LITAF: variants seen among roughly 807,000 people sequenced by gnomAD.
The protein encoded by LITAF is lipopolysaccharide-induced tumor necrosis factor-alpha factor.
In LITAF, 9 loss-of-function variants were observed where a neutral mutation model predicts 14.5. That is an observed-to-expected ratio of 0.62 (90% CI 0.37 to 1.08). The LOEUF (loss-of-function observed/expected upper bound fraction) is 1.08. Among genes scored for constraint, LITAF ranks in the 50% least tolerant of loss-of-function variants. LITAF has a pLI of 0.01. For missense variants in LITAF, 206 were observed against 213.4 expected (o/e 0.97, Z 0.22); for synonymous variants, 98 against 88.2 (o/e 1.11, Z -0.62).
intron 1 of LITAF, among the ~76,000 whole-genome samples, chr16:11,593,967 G>A (rs3919553): frequency 0.15 from 22,183 of 151,890 alleles, 1,966 homozygotes; most frequent in Non-Finnish European, 0.18. Flanking sequence ...GCTTGAGGTC[G>A]GGAGTTTGAG....
At chr16:11,611,661 TTTTTC>T (rs901256980) in intron 3 of LITAF, among the ~76,000 whole-genome samples, 5 of 147,150 alleles carry the variant, frequency 3.4e-5, no homozygotes, top group South Asian at 2.1e-4. Context: ...TTTCTTTTTC[TTTTTC>T]TTTTTTTTTT....
In LITAF at chr16:11,553,780, C is replaced by T; in HGVS notation, c.221-91G>A. 2 of 1,395,788 alleles carry T rather than the reference C, an allele frequency of 1.4e-6. No individual in the cohort carries two copies. Among genetic ancestry groups the T allele is most frequent in the Non-Finnish European group, 2.0e-6 (2 of 994,140 alleles). 86.5% of individuals were successfully genotyped at this position (1,395,788 alleles called of 1,614,324 possible). On this transcript the variant is annotated intron_variant, in intron 2 of 3. Transcript: ENST00000622633. This position sits in a 1 kb window ranked among gnomAD's most constrained non-coding sequence, Gnocchi z 7.7. ...GACAAAGAGAGGAACGCAGGGATGC[C>T]AGCAAATATTATATTTGTACATTTG...
upstream of LITAF, among the ~76,000 whole-genome samples, chr16:11,638,054 C>A (rs12448363): frequency 2.9e-3 from 138 of 48,100 alleles, 37 homozygotes; most frequent in African/African-American, 0.019. Flanking sequence ...ATATATATAT[C>A]TATATATATA....
intron 1 of LITAF, among the ~76,000 whole-genome samples, chr16:11,570,661 G>A (rs983548234): frequency 5.9e-5 from 9 of 152,148 alleles, no homozygotes; most frequent in African/African-American, 2.2e-4. Context: ...TAACCAGGTA[G>A]GCCCGGTGTA....
intron 1 of LITAF, among the ~76,000 whole-genome samples, chr16:11,557,344 CTCTT>C (rs1333249472): frequency 6.6e-6 from 1 of 152,042 alleles, no homozygotes; most frequent in Non-Finnish European, 1.5e-5. Flanking sequence ...GGGTCCTGTT[CTCTT>C]TCTTCACCTG....
chr16:11,604,663 A>G (rs1311184983), intron 3 of LITAF, among the ~76,000 whole-genome samples: 1 of 134,860 alleles, frequency 7.4e-6, no homozygotes, highest in African/African-American at 2.5e-5. Flanking sequence ...AAAAAAAAAA[A>G]AAAGAATCTA....
chr16:11,551,695 G>C (rs1246724540), intron 3 of LITAF: 1 of 651,852 alleles, frequency 1.5e-6, no homozygotes, highest in African/African-American at 1.9e-5. Flanking sequence ...AGCTAGGTAT[G>C]GTGGCACACA....
intron 1 of LITAF, among the ~76,000 whole-genome samples, chr16:11,574,009 GGTTT>G (rs1567247186): frequency 3.0e-5 from 2 of 67,068 alleles, no homozygotes; most frequent in African/African-American, 5.2e-5. Flanking sequence ...GCGTTTTTTT[GGTTT>G]TTTTTTTGTT....
upstream of LITAF, among the ~76,000 whole-genome samples, chr16:11,638,438 C>T (rs183779553): frequency 5.1e-4 from 78 of 151,990 alleles, no homozygotes; most frequent in African/African-American, 1.8e-3. Flanking sequence ...TATGGTGGCT[C>T]ACGCCTATAA....
intron 3 of LITAF, among the ~76,000 whole-genome samples, chr16:11,621,521 C>T: frequency 6.6e-6 from 1 of 152,200 alleles, no homozygotes; most frequent in African/African-American, 2.4e-5. Context: ...TGACTTTCTA[C>T]TTGAAGTTTT....
At chr16:11,598,723 G>A (rs1423917274), upstream of LITAF, among the ~76,000 whole-genome samples, 1 of 152,140 alleles carries the variant, frequency 6.6e-6, no homozygotes, top group South Asian at 2.1e-4. Context: ...CTCCCTTCCA[G>A]AACCTATGTT....
At chr16:11,620,636 C>G (rs905972446) in intron 3 of LITAF, among the ~76,000 whole-genome samples, 1 of 152,232 alleles carries the variant, frequency 6.6e-6, no homozygotes, top group Non-Finnish European at 1.5e-5. Context: ...GGCCAGCCCA[C>G]TTTCCCACTA....
rs987055942 is a variant in LITAF, at chr16:11,632,821, C to T, written c.85+712G>A. Among the ~76,000 whole-genome samples the T allele has an allele frequency of 1.2e-4, 18 of 151,690 alleles. No homozygotes were observed. The highest frequency in any genetic ancestry group is 3.7e-4 in the African/African-American group (15 of 40,964). On this transcript the variant is annotated intron_variant, in intron 3 of 3. Transcript: ENST00000574848. The surrounding 1 kb of genome is among the most constrained non-coding windows in gnomAD (Gnocchi z 4.8). ...CAGAGTTTTCCGTGTGCCGCCTCCTCGTCCTTCTTCTTCTGCCGAATGCCT... is the reference window on the plus strand; with the variant it reads ...CAGAGTTTTCCGTGTGCCGCCTCCTTGTCCTTCTTCTTCTGCCGAATGCCT...
At chr16:11,618,999 A>C (rs1424971011) in intron 3 of LITAF, among the ~76,000 whole-genome samples, 8 of 150,000 alleles carry the variant, frequency 5.3e-5, no homozygotes, top group Non-Finnish European at 7.4e-5. Context: ...AAAACAAAAC[A>C]AACAAACAAA....
upstream of LITAF, among the ~76,000 whole-genome samples, chr16:11,599,721 C>T (rs1226149707): frequency 6.6e-6 from 1 of 152,144 alleles, no homozygotes; most frequent in African/African-American, 2.4e-5. Flanking sequence ...CTGCCCCTCA[C>T]CTCCAAAACA....
In LITAF at chr16:11,547,779, G is replaced by A. The variant is rs1042109232; in HGVS notation, c.*1858C>T. The stretch of plus-strand genomic sequence containing the variant: ...GCTATGGCTTGCCGCCATCAATGAC[G>A]CCTATTGGGTTCCAATAGCCTCATG... On this transcript the variant is annotated 3_prime_UTR_variant, in exon 4 of 4. Transcript: ENST00000622633. 25 of 453,866 alleles carry A rather than the reference G, an allele frequency of 5.5e-5. No homozygotes were observed. The highest frequency in any genetic ancestry group is 7.1e-5 in the Non-Finnish European group (16 of 226,780). 28.1% of individuals were successfully genotyped at this position (453,866 alleles called of 1,614,324 possible). A position where few individuals can be genotyped will look rare whatever the true frequency, so the allele number is the denominator to read the frequency against.
chr16:11,635,228 G>A (rs1331416032), intron 2 of LITAF, among the ~76,000 whole-genome samples: 1 of 152,188 alleles, frequency 6.6e-6, no homozygotes, highest in East Asian at 1.9e-4. Flanking sequence ...ATACACAAAT[G>A]CACATTCAGA....
At position 11,632,220 on chromosome 16, in the gene LITAF, G is replaced by A. The variant is rs375151057; in HGVS notation, c.85+1313C>T. ...CACCTTCACAAGTGCTGGGAGTTAC[G>A]TCGTGGACGTGTCTTTCGGGGAGGG... On this transcript the variant is annotated intron_variant, in intron 3 of 3. Coordinates refer to the LITAF transcript ENST00000574848. This position sits in a 1 kb window ranked among gnomAD's most constrained non-coding sequence, Gnocchi z 4.8. 7.2e-5 allele frequency among the ~76,000 whole-genome samples: 11 copies of A among 152,200 alleles called. No homozygotes were observed. Among genetic ancestry groups the A allele is most frequent in the African/African-American group, 2.2e-4 (9 of 41,542 alleles).
chr16:11,619,327 A>T (rs2065036286), intron 3 of LITAF, among the ~76,000 whole-genome samples: 1 of 151,298 alleles, frequency 6.6e-6, no homozygotes, highest in Non-Finnish European at 1.5e-5. Flanking sequence ...AAAAAACAAA[A>T]AAAAAAACCC....
Sources: gnomAD v4.1 joint callset for allele counts (sites outside exome capture counted in the v4.1 genomes callset) on GRCh38, gnomAD v4.1.1 for gene constraint, Gnocchi (gnomAD v3.1) non-coding constraint, MANE v1.5 for transcripts, NCBI Gene and HGNC (gene_info 2026-07-23, HGNC 2026-07-21) for gene names.